The following EFCAB11 variants were observed in gnomAD, a reference collection of about 807,000 sequenced individuals.
EFCAB11 encodes the protein EF-hand calcium-binding domain-containing protein 11.
A neutral mutation model predicts 23.0 loss-of-function variants in EFCAB11; 14 were observed. That is an observed-to-expected ratio of 0.61 (90% CI 0.40 to 0.95). The LOEUF (loss-of-function observed/expected upper bound fraction) is 0.95. Ranked by LOEUF, EFCAB11 falls within the 40% of genes least tolerant of loss-of-function variation. The pLI is 0.00. For synonymous variants in EFCAB11, 65 were observed against 66.6 expected (o/e 0.98, Z 0.11); for missense variants, 198 against 195.8 (o/e 1.01, Z -0.07).
At chr14:89,915,299 G>T (rs1164174943) in intron 5 of EFCAB11, among the ~76,000 whole-genome samples, 1 of 152,200 alleles carries the variant, frequency 6.6e-6, no homozygotes, top group Non-Finnish European at 1.5e-5. Context: ...TCACCAGAGG[G>T]ATTAGCTTTG....
intron 5 of EFCAB11, chr14:89,924,595 G>A (rs1241121955): frequency 2.0e-6 from 3 of 1,534,320 alleles, no homozygotes; most frequent in Non-Finnish European, 2.6e-6. Context: ...ACCACAGGGT[G>A]TTGATGGCAG....
chr14:89,944,199 G>A (rs559863200), intron 3 of EFCAB11, among the ~76,000 whole-genome samples: 39 of 152,306 alleles, frequency 2.6e-4, no homozygotes, highest in African/African-American at 7.5e-4. Flanking sequence ...CGATCATAGC[G>A]GAAGGCAAAG....
chr14:89,943,894 G>T (rs536168723), intron 3 of EFCAB11, among the ~76,000 whole-genome samples: 1 of 152,242 alleles, frequency 6.6e-6, no homozygotes, highest in African/African-American at 2.4e-5. Context: ...TACAGGTGGG[G>T]ACTGTATTCT....
intron 5 of EFCAB11, among the ~76,000 whole-genome samples, chr14:89,860,250 G>A (rs1370521535): frequency 2.6e-5 from 4 of 152,096 alleles, no homozygotes; most frequent in Non-Finnish European, 5.9e-5. Context: ...CATCATCCCT[G>A]TTACTCGGGA....
At chr14:89,815,544 A>T (rs1886307934) in intron 5 of EFCAB11, among the ~76,000 whole-genome samples, 1 of 151,808 alleles carries the variant, frequency 6.6e-6, no homozygotes, top group Admixed American at 6.6e-5. Flanking sequence ...TTCCTGCCTC[A>T]GCCTCTTGAG....
At chr14:89,925,950 T>A (rs12100540) in intron 5 of EFCAB11, among the ~76,000 whole-genome samples, 2 of 152,054 alleles carry the variant, frequency 1.3e-5, no homozygotes, top group Non-Finnish European at 2.9e-5. Flanking sequence ...TGCCTCAGCC[T>A]CCTGAGTAGC....
intron 3 of EFCAB11, among the ~76,000 whole-genome samples, chr14:89,942,654 T>TC (rs1346630664): frequency 2.6e-5 from 4 of 152,152 alleles, no homozygotes; most frequent in Non-Finnish European, 5.9e-5. Context: ...TTGATTTTTT[T>TC]CTCCCACTCA....
chr14:89,841,658 T>C (rs1251174411), intron 5 of EFCAB11, among the ~76,000 whole-genome samples: 1 of 151,942 alleles, frequency 6.6e-6, no homozygotes, highest in Non-Finnish European at 1.5e-5. Flanking sequence ...TCTATTCCCC[T>C]TGCCTCAGTG....
At chr14:89,917,011 TCA>T (rs1449218663) in intron 5 of EFCAB11, among the ~76,000 whole-genome samples, 2 of 151,636 alleles carry the variant, frequency 1.3e-5, no homozygotes, top group South Asian at 2.1e-4. Context: ...GTGTAATGAC[TCA>T]CAGTCAAGCT....
intron 3 of EFCAB11, among the ~76,000 whole-genome samples, chr14:89,936,386 AAAAC>A (rs767233357): frequency 1.3e-5 from 2 of 152,228 alleles, no homozygotes; most frequent in Non-Finnish European, 2.9e-5. Context: ...TTGTAGGATA[AAAAC>A]AAACAGTCTT....
At chr14:89,813,968 C>A (rs1886239468) in intron 5 of EFCAB11, among the ~76,000 whole-genome samples, 1 of 151,984 alleles carries the variant, frequency 6.6e-6, no homozygotes, top group Non-Finnish European at 1.5e-5. Context: ...CTGCTGCTCT[C>A]TTTCAGTGAC....
At position 89,851,529 on chromosome 14, in the gene EFCAB11, A is replaced by G. The variant is rs370509579; in HGVS notation, c.411-54205T>C. On this transcript the variant is annotated intron_variant, in intron 5 of 5. Coordinates refer to ENST00000316738, the MANE Select transcript of EFCAB11 (RefSeq NM_145231.4). ...GCTAAAATGCTCAAGGAAAACAGAC[A>G]CTATAGGGTAATCATAGGATCTTTG... Among the ~76,000 whole-genome samples the G allele has an allele frequency of 2.0e-5, 3 of 152,370 alleles. No individual in the cohort carries two copies. In the East Asian group the frequency reaches 5.8e-4, roughly 29 times the overall value.
chr14:89,954,687 A>T lies in EFCAB11; in HGVS notation c.-27T>A, dbSNP rs1891392842. On this transcript the variant is annotated 5_prime_UTR_variant, in exon 1 of 6. Coordinates refer to ENST00000316738, the MANE Select transcript of EFCAB11 (RefSeq NM_145231.4). ...GCGACTACAACAACCGAGCCCCAGCAACCCAACCAGCTACCACCGCTTTCC... is the reference window on the plus strand; with the variant it reads ...GCGACTACAACAACCGAGCCCCAGCTACCCAACCAGCTACCACCGCTTTCC... 1.9e-6 allele frequency: 3 copies of T among 1,605,066 alleles called. No homozygotes were observed. The highest frequency in any genetic ancestry group is 2.2e-5 in the South Asian group (2 of 90,334).
At chr14:89,803,823 T>G (rs1317837583) in intron 5 of EFCAB11, among the ~76,000 whole-genome samples, 1 of 152,258 alleles carries the variant, frequency 6.6e-6, no homozygotes, top group Non-Finnish European at 1.5e-5. Context: ...TTCTTCCCAC[T>G]GGCGTGCTTG....
intron 3 of EFCAB11, among the ~76,000 whole-genome samples, chr14:89,949,710 T>G (rs1354386379): frequency 1.3e-5 from 2 of 152,116 alleles, no homozygotes; most frequent in Admixed American, 6.5e-5. Context: ...TGTTAGTCTG[T>G]TTTCATGCTA....
chr14:89,897,794 C>A (rs79904806), intron 5 of EFCAB11, among the ~76,000 whole-genome samples: 3 of 152,070 alleles, frequency 2.0e-5, no homozygotes, highest in African/African-American at 7.2e-5. Context: ...TTAATTTATG[C>A]AAACTTAATA....
chr14:89,812,289 C>T (rs573138701), intron 5 of EFCAB11, among the ~76,000 whole-genome samples: 33 of 152,300 alleles, frequency 2.2e-4, no homozygotes, highest in African/African-American at 7.2e-4. Flanking sequence ...AGAATTCCTT[C>T]GAGACATATA....
intron 2 of EFCAB11, among the ~76,000 whole-genome samples, chr14:89,951,643 T>G (rs1461810930): frequency 6.6e-6 from 1 of 151,974 alleles, no homozygotes; most frequent in African/African-American, 2.4e-5. Flanking sequence ...CACAGTAGCT[T>G]ATGCCTGTAA....
At chr14:89,913,072 C>A (rs1889730833) in intron 5 of EFCAB11, among the ~76,000 whole-genome samples, 1 of 152,160 alleles carries the variant, frequency 6.6e-6, no homozygotes, top group Non-Finnish European at 1.5e-5. Flanking sequence ...ATTCATCTAG[C>A]AAGAAACGAG....
Sources: allele counts gnomAD v4.1 joint callset (sites outside exome capture counted in the v4.1 genomes callset), GRCh38; gene constraint gnomAD v4.1.1; transcripts MANE v1.5; gene names NCBI Gene and HGNC (gene_info 2026-07-23, HGNC 2026-07-21).